ANO3: variants seen among roughly 807,000 people sequenced by gnomAD.
ANO3 encodes the protein anoctamin 3.
In ANO3, 99 loss-of-function variants were observed where a neutral mutation model predicts 144.8. That is an observed-to-expected ratio of 0.68 (90% CI 0.58 to 0.81). The LOEUF is 0.81. ANO3 is among the 30% of genes least tolerant of loss of function. The pLI, the probability that ANO3 is intolerant of heterozygous loss-of-function variation, is 0.00. For missense variants in ANO3, 905 were observed against 1,202.2 expected (o/e 0.75, Z 3.66); for synonymous variants, 414 against 392.6 (o/e 1.05, Z -0.64).
rs568914997 is a variant in ANO3, at chr11:26,514,015, A to G, written c.592-2812A>G. ...AGGAACAAAAAGTAAAAGTATAGGC[A>G]TAGAATAATTTAATACATAAAGATG... On this transcript the variant is annotated intron_variant, in intron 5 of 26. Coordinates refer to ENST00000256737, the MANE Select transcript of ANO3 (RefSeq NM_031418.4). Among the ~76,000 whole-genome samples the G allele has an allele frequency of 1.3e-5, 2 of 152,170 alleles. 1 individual carries two copies. The highest frequency in any genetic ancestry group is 4.1e-4 in the South Asian group (2 of 4,828).
intron 23 of ANO3, among the ~76,000 whole-genome samples, chr11:26,644,815 TCACACA>T (rs71449132): frequency 0.073 from 10,674 of 145,262 alleles, 552 homozygotes; most frequent in South Asian, 0.16. Flanking sequence ...GGAATACTAA[TCACACA>T]CACACACACA....
chr11:26,202,295 G>C (rs1378087020), intron 1 of ANO3, among the ~76,000 whole-genome samples: 1 of 139,296 alleles, frequency 7.2e-6, no homozygotes, highest in African/African-American at 2.6e-5. Flanking sequence ...ATATAATATA[G>C]ATACATATTA....
At chr11:26,227,295 T>A (rs1236332391) in intron 1 of ANO3, among the ~76,000 whole-genome samples, 1 of 152,208 alleles carries the variant, frequency 6.6e-6, no homozygotes, top group African/African-American at 2.4e-5. Context: ...TGTTGTCTCA[T>A]GCATTTGCTA....
rs1198271666 is a variant in ANO3, at chr11:26,489,178, G to A, written c.433-18926G>A. Among the ~76,000 whole-genome samples the A allele has an allele frequency of 4.0e-5, 6 of 150,116 alleles. No homozygotes were observed. The East Asian group carries it at 1.2e-3, about 30-fold the overall frequency. ...TGTGCTGTGTGCAGCCTAGGGACTT[G>A]GTGCCCTGTGTCCCAGCCACTCCAG... On this transcript the variant is annotated intron_variant, in intron 4 of 26. Coordinates refer to ENST00000256737, the MANE Select transcript of ANO3 (RefSeq NM_031418.4).
chr11:26,245,163 G>A (rs1440907207), intron 1 of ANO3, among the ~76,000 whole-genome samples: 4 of 152,160 alleles, frequency 2.6e-5, no homozygotes, highest in African/African-American at 9.6e-5. Flanking sequence ...AAATGCATGG[G>A]TAAAGTACCC....
At chr11:26,558,991 A>G (rs965558156) in intron 13 of ANO3, 1 of 152,154 alleles carries the variant, frequency 6.6e-6, no homozygotes, top group African/African-American at 2.4e-5. Context: ...ACTAAGTTAC[A>G]TATATACTGA....
intron 1 of ANO3, among the ~76,000 whole-genome samples, chr11:26,250,716 T>G (rs1182150595): frequency 6.6e-6 from 1 of 152,222 alleles, no homozygotes; most frequent in African/African-American, 2.4e-5. Context: ...ATAAGTTACT[T>G]AAACTGTTAA....
chr11:26,472,360 T>A (rs1300207138), intron 4 of ANO3, among the ~76,000 whole-genome samples: 1 of 152,018 alleles, frequency 6.6e-6, no homozygotes, highest in African/African-American at 2.4e-5. Flanking sequence ...GGGATTTTAA[T>A]GACTTCTACT....
At chr11:26,223,958 T>C (rs1324296417) in intron 1 of ANO3, among the ~76,000 whole-genome samples, 11 of 152,136 alleles carry the variant, frequency 7.2e-5, no homozygotes, top group Non-Finnish European at 2.9e-5. Flanking sequence ...ACCTCCAACA[T>C]TGGAGGTCAC....
chr11:26,508,521 T>C, intron 5 of ANO3: 1 of 390,616 alleles, frequency 2.6e-6, no homozygotes, highest in Non-Finnish European at 4.5e-6. Context: ...GGAATGATTA[T>C]AGTTATGTCA....
chr11:26,400,743 T>C (rs1857127041), intron 1 of ANO3, among the ~76,000 whole-genome samples: 1 of 151,490 alleles, frequency 6.6e-6, no homozygotes. Flanking sequence ...TATTAAACAA[T>C]TAAAGAAAAT....
upstream of ANO3, among the ~76,000 whole-genome samples, chr11:26,306,904 T>C (rs1046654831): frequency 6.6e-6 from 1 of 152,228 alleles, no homozygotes; most frequent in Non-Finnish European, 1.5e-5. Flanking sequence ...TTTTGTAATG[T>C]TACCCATATA....
chr11:26,497,113 T>A (rs914468787), intron 4 of ANO3, among the ~76,000 whole-genome samples: 41 of 151,754 alleles, frequency 2.7e-4, no homozygotes, highest in African/African-American at 9.9e-4. Context: ...TGTGTGTATA[T>A]ATGTATACAC....
intron 4 of ANO3, among the ~76,000 whole-genome samples, chr11:26,485,703 C>T (rs757358116): frequency 1.3e-5 from 2 of 152,050 alleles, no homozygotes; most frequent in African/African-American, 2.4e-5. Flanking sequence ...TTTAAATCAA[C>T]TCAAGATGGA....
intron 14 of ANO3, among the ~76,000 whole-genome samples, chr11:26,591,261 C>G (rs75271184): frequency 0.15 from 23,555 of 152,030 alleles, 2,097 homozygotes; most frequent in East Asian, 0.33. Context: ...GGCCAACGAC[C>G]GCTCTTAACT....
At chr11:26,523,689 A>G (rs944012544) in intron 6 of ANO3, among the ~76,000 whole-genome samples, 1 of 152,222 alleles carries the variant, frequency 6.6e-6, no homozygotes, top group Non-Finnish European at 1.5e-5. Flanking sequence ...TGTTCTTACC[A>G]TATAAGTGTT....
chr11:26,293,533 GTATATA>G (rs59115569), intron 1 of ANO3, among the ~76,000 whole-genome samples: 89 of 25,934 alleles, frequency 3.4e-3, no homozygotes, highest in African/African-American at 0.011. Flanking sequence ...TAAATTCCAT[GTATATA>G]TATATATATA....
chr11:26,500,780 A>C (rs1386532365), intron 4 of ANO3, among the ~76,000 whole-genome samples: 2 of 151,568 alleles, frequency 1.3e-5, no homozygotes, highest in Non-Finnish European at 1.5e-5. Context: ...TATATTTTGC[A>C]GAAAAAAAAA....
At chr11:26,625,071 G>A (rs1852537974) in intron 18 of ANO3, among the ~76,000 whole-genome samples, 2 of 152,100 alleles carry the variant, frequency 1.3e-5, no homozygotes, top group East Asian at 1.9e-4. Context: ...GACTACAGGC[G>A]CCTGCCACCA....
Sources: allele counts gnomAD v4.1 joint callset (sites outside exome capture counted in the v4.1 genomes callset), GRCh38; gene constraint gnomAD v4.1.1; transcripts MANE v1.5; gene names NCBI Gene and HGNC (gene_info 2026-07-23, HGNC 2026-07-21).